ZNF208: variants seen among roughly 807,000 people sequenced by gnomAD.
The protein encoded by ZNF208 is zinc finger protein 208, also known as zinc finger protein 95.
Under a neutral mutation model 12.1 loss-of-function variants are expected in ZNF208, and 10 were observed. The observed-to-expected ratio is 0.83, with a 90% CI of 0.51 to 1.40. The LOEUF is 1.40. ZNF208 is among the 40% of genes most tolerant of loss of function. The pLI, the probability that ZNF208 is intolerant of heterozygous loss-of-function variation, is 0.00. For synonymous variants in ZNF208, 497 were observed against 488.4 expected (o/e 1.02, Z -0.23); for missense variants, 1,652 against 1,485.0 (o/e 1.11, Z -1.85).
At chr19:21,960,257 C>T (rs981414796) in intron 4 of ZNF208, among the ~76,000 whole-genome samples, 3 of 151,610 alleles carry the variant, frequency 2.0e-5, no homozygotes, top group Non-Finnish European at 2.9e-5. Flanking sequence ...GGCCTTGATC[C>T]AAAAAATGTT....
At position 21,972,152 on chromosome 19, in the gene ZNF208, C is replaced by T. The variant is rs2214301; in HGVS notation, c.2882G>A (p.Ser961Asn). ...TTCAGTATGAATTTTCTTATGATAA[C>T]TAAGGGTTGAGGATGACTTATAGGC... ...GKAYKSSSTLSYHKKIHTEEK... is the reference protein window; with the variant it reads ...GKAYKSSSTLNYHKKIHTEEK... The change falls in exon 4 of 4, where the codon AGT becomes AAT. Residue 961 changes from serine to asparagine, a missense_variant. Physicochemically the swap from Ser to Asn is conservative, Grantham distance 46 (BLOSUM62 1). Coordinates refer to ENST00000397126, the MANE Select transcript of ZNF208 (RefSeq NM_007153.3). The T allele has an allele frequency of 0.57, 916,228 of 1,611,418 alleles. 264,118 individuals carry two copies. Among genetic ancestry groups the T allele is most frequent in the East Asian group, 0.67 (30,134 of 44,726 alleles).
downstream of ZNF208, among the ~76,000 whole-genome samples, chr19:21,965,492 A>T (rs2145534583): frequency 6.6e-6 from 1 of 152,222 alleles, no homozygotes; most frequent in African/African-American, 2.4e-5. Flanking sequence ...AATTCATGGC[A>T]TCTTTTGTTC....
At chr19:21,962,033 G>A (rs1161303595), downstream of ZNF208, among the ~76,000 whole-genome samples, 2 of 152,122 alleles carry the variant, frequency 1.3e-5, no homozygotes, top group Non-Finnish European at 2.9e-5. Context: ...AGTATTATTT[G>A]GGATCTGATA....
chr19:21,967,567 TAG>T lies in ZNF208; in HGVS notation c.*3622_*3623del, dbSNP rs1465523411. On this transcript the variant is annotated 3_prime_UTR_variant, in exon 4 of 4. Coordinates refer to ENST00000397126, the MANE Select transcript of ZNF208 (RefSeq NM_007153.3). ...CACCTGGCTAATTTTTTACATTTAG[TAG>T]AGATGCAGGTTTCACCATGTTGGCC... The T allele has an allele frequency of 6.6e-6, 1 of 151,994 alleles. No individual in the cohort carries two copies. Among genetic ancestry groups the T allele is most frequent in the African/African-American group, 2.4e-5 (1 of 41,394 alleles). 9.4% of individuals were successfully genotyped at this position (151,994 alleles called of 1,614,324 possible). A position where few individuals can be genotyped will look rare whatever the true frequency, so the allele number is the denominator to read the frequency against.
At chr19:21,964,742 G>A (rs1277405621), downstream of ZNF208, among the ~76,000 whole-genome samples, 1 of 151,710 alleles carries the variant, frequency 6.6e-6, no homozygotes, top group Non-Finnish European at 1.5e-5. Flanking sequence ...CATCCATTGA[G>A]TGGTCTATAG....
At chr19:21,944,997 A>G (rs987226363) in intron 4 of ZNF208, among the ~76,000 whole-genome samples, 1 of 152,224 alleles carries the variant, frequency 6.6e-6, no homozygotes, top group East Asian at 1.9e-4. Context: ...CAGCATGCAC[A>G]TTTTGATTTT....
intron 3 of ZNF208, among the ~76,000 whole-genome samples, chr19:21,985,490 A>G (rs1400642004): frequency 1.3e-5 from 2 of 152,206 alleles, no homozygotes; most frequent in Admixed American, 1.3e-4. Context: ...ATTGAGGAGC[A>G]CCCTTTTCAG....
At chr19:21,999,634 T>G (rs1970905921) in intron 1 of ZNF208, among the ~76,000 whole-genome samples, 1 of 151,992 alleles carries the variant, frequency 6.6e-6, no homozygotes, top group Non-Finnish European at 1.5e-5. Context: ...AACTTTACTC[T>G]GAACAAATTT....
At chr19:21,956,957 T>C (rs1969987605) in intron 4 of ZNF208, among the ~76,000 whole-genome samples, 1 of 152,224 alleles carries the variant, frequency 6.6e-6, no homozygotes, top group Non-Finnish European at 1.5e-5. Flanking sequence ...TATTCAGACA[T>C]CTTGGGACTT....
intron 4 of ZNF208, among the ~76,000 whole-genome samples, chr19:21,955,709 T>A (rs7254540): frequency 0.052 from 7,879 of 152,242 alleles, 673 homozygotes; most frequent in African/African-American, 0.18. Context: ...CTATGCTGTT[T>A]ATTCTAGTTA....
intron 1 of ZNF208, 79 bp downstream of exon 1, chr19:22,010,713 G>T (rs1377065517): frequency 3.1e-6 from 5 of 1,610,036 alleles, no homozygotes; most frequent in Non-Finnish European, 4.2e-6. Context: ...GGGGAGGCCT[G>T]AGTCCCGCCA....
intron 1 of ZNF208, among the ~76,000 whole-genome samples, chr19:22,009,060 A>G (rs904862725): frequency 6.6e-6 from 1 of 152,164 alleles, no homozygotes; most frequent in African/African-American, 2.4e-5. Context: ...CCAAAGGGAA[A>G]CCTTGACCCA....
chr19:22,003,533 T>C (rs1970992648), intron 1 of ZNF208, among the ~76,000 whole-genome samples: 1 of 149,798 alleles, frequency 6.7e-6, no homozygotes, highest in African/African-American at 2.4e-5. Context: ...AAGACGTTTG[T>C]CTTCAAAAGG....
rs749103687 is a variant in ZNF208, at chr19:22,010,841, A to G, written c.-47T>C. ...TGGCGACTTAGTTGTGGATCTCCCAATACCTGCAGGTCATAGGGCCACAGA... is the reference window on the plus strand; with the variant it reads ...TGGCGACTTAGTTGTGGATCTCCCAGTACCTGCAGGTCATAGGGCCACAGA... On this transcript the variant is annotated 5_prime_UTR_variant, in exon 1 of 4. Coordinates refer to ENST00000397126, the MANE Select transcript of ZNF208 (RefSeq NM_007153.3). 1 of 1,613,316 alleles carries G rather than the reference A, an allele frequency of 6.2e-7. No homozygotes were observed. The highest frequency in any genetic ancestry group is 2.2e-5 in the East Asian group (1 of 44,854).
At chr19:21,952,802 G>C (rs1464387925) in intron 4 of ZNF208, among the ~76,000 whole-genome samples, 1 of 152,196 alleles carries the variant, frequency 6.6e-6, no homozygotes, top group African/African-American at 2.4e-5. Context: ...ATGGAACAAA[G>C]CTGGATGGAG....
chr19:21,944,812 A>G (rs905988602), intron 4 of ZNF208, among the ~76,000 whole-genome samples: 1 of 152,218 alleles, frequency 6.6e-6, no homozygotes, highest in African/African-American at 2.4e-5. Flanking sequence ...ATAAATCAAG[A>G]CAAGTACTAT....
chr19:21,989,012 T>C (rs979065882), intron 1 of ZNF208, 103 bp from the exon 2 acceptor site: 54 of 1,416,546 alleles, frequency 3.8e-5, no homozygotes, highest in African/African-American at 1.4e-4. Context: ...TTCTGACTTA[T>C]AAGCATGACT....
Position 21,971,774 on chromosome 19 carries a change from C to G in ZNF208, c.3260G>C (p.Cys1087Ser), listed in dbSNP as rs757834852. The change falls in exon 4 of 4, where the codon TGT (cysteine) becomes TCT (serine). Residue 1087 changes from cysteine (C) to serine (S), a missense_variant. Cys to Ser is a moderately radical substitution (Grantham distance 112). Coordinates refer to ENST00000397126, the MANE Select transcript of ZNF208 (RefSeq NM_007153.3). ...ATHAGEEPYK[C>S]EECGKAFNWS... ...GTTGAAAGCTTTGCCACATTCTTCA[C>G]ATTTGTAGGGTTCCTCTCCAGCATG... 3 of 1,613,854 alleles carry G rather than the reference C, an allele frequency of 1.9e-6. No individual in the cohort carries two copies. The Admixed American group carries it at 5.0e-5, about 27-fold the overall frequency.
At chr19:21,978,051 G>GA (rs972442371) in intron 3 of ZNF208, among the ~76,000 whole-genome samples, 34 of 152,230 alleles carry the variant, frequency 2.2e-4, no homozygotes, top group African/African-American at 7.7e-4. Flanking sequence ...GGGCATCTCT[G>GA]AAAAAAATGC....
Sources: allele counts gnomAD v4.1 joint callset (sites outside exome capture counted in the v4.1 genomes callset), GRCh38; gene constraint gnomAD v4.1.1; transcripts MANE v1.5; gene names NCBI Gene and HGNC (gene_info 2026-07-23, HGNC 2026-07-21).